The following KLHL1 variants were observed in gnomAD, a reference collection of about 807,000 sequenced individuals.
KLHL1 encodes the protein kelch like family member 1.
A neutral mutation model predicts 77.7 loss-of-function variants in KLHL1; 47 were observed. That is an observed-to-expected ratio of 0.60 (90% CI 0.48 to 0.77). The LOEUF (loss-of-function observed/expected upper bound fraction) is 0.77, where lower values mean the gene tolerates loss of function less well. Among genes scored for constraint, KLHL1 ranks in the 30% least tolerant of loss-of-function variants. The pLI is 0.00. For missense variants in KLHL1, 925 were observed against 910.8 expected (o/e 1.02, Z -0.20); for synonymous variants, 360 against 325.2 (o/e 1.11, Z -1.15).
chr13:69,934,003 G>C (rs1456549690), intron 4 of KLHL1, among the ~76,000 whole-genome samples: 3 of 151,960 alleles, frequency 2.0e-5, no homozygotes, highest in Admixed American at 6.6e-5. Flanking sequence ...ATAGTACTGG[G>C]TTTATTATCC....
At chr13:69,856,824 T>C (rs1228988863) in intron 5 of KLHL1, among the ~76,000 whole-genome samples, 1 of 152,056 alleles carries the variant, frequency 6.6e-6, no homozygotes, top group Non-Finnish European at 1.5e-5. Flanking sequence ...TCAAATTTGC[T>C]ACTTTCATTT....
At chr13:70,021,011 G>C (rs1310349083) in intron 1 of KLHL1, among the ~76,000 whole-genome samples, 1 of 151,912 alleles carries the variant, frequency 6.6e-6, no homozygotes, top group Non-Finnish European at 1.5e-5. Flanking sequence ...ACTATAATTG[G>C]TGAAACTATG....
chr13:70,005,824 G>A (rs1885392650), intron 1 of KLHL1, among the ~76,000 whole-genome samples: 1 of 151,790 alleles, frequency 6.6e-6, no homozygotes, highest in East Asian at 1.9e-4. Flanking sequence ...ATAAAGTATT[G>A]TCATATATTA....
At position 69,940,188 on chromosome 13, in the gene KLHL1, G is replaced by A. The variant is rs773757751; in HGVS notation, c.866C>T (p.Ala289Val). 10 of 1,612,442 alleles carry A rather than the reference G, an allele frequency of 6.2e-6. No individual in the cohort carries two copies. The South Asian group carries it at 8.8e-5, about 14-fold the overall frequency. Residue 289 changes from alanine (A) to valine (V), a missense_variant, in exon 4 of 11, where the codon GCG (alanine) becomes GTG (valine). Transcript: ENST00000377844. Reference sequence around the variant, plus strand: ...CACCTGTGGAAGCTGAAGAAGGCACGCTGCAGCAAGAAGGTTCTCAATGGT... The same window carrying A: ...CACCTGTGGAAGCTGAAGAAGGCACACTGCAGCAAGAAGGTTCTCAATGGT... Reference protein sequence around the residue: ...EDTIENLLAAACLLQLPQVVE... With the variant: ...EDTIENLLAAVCLLQLPQVVE...
At chr13:70,021,161 A>G (rs1157863389) in intron 1 of KLHL1, among the ~76,000 whole-genome samples, 1 of 152,078 alleles carries the variant, frequency 6.6e-6, no homozygotes, top group Non-Finnish European at 1.5e-5. Flanking sequence ...CACTGCCCTA[A>G]AAATCTTCTG....
chr13:70,026,679 G>C (rs1463442993), intron 1 of KLHL1, among the ~76,000 whole-genome samples: 1 of 150,962 alleles, frequency 6.6e-6, no homozygotes, highest in Non-Finnish European at 1.5e-5. Flanking sequence ...TTGAGAAAGA[G>C]TTGCTGTCAA....
intron 5 of KLHL1, among the ~76,000 whole-genome samples, chr13:69,862,145 T>C (rs1183411098): frequency 6.6e-6 from 1 of 151,996 alleles, no homozygotes. Flanking sequence ...CATGATAACA[T>C]AATAAAGATT....
At chr13:69,977,433 GA>G (rs1388960647) in intron 1 of KLHL1, among the ~76,000 whole-genome samples, 7 of 151,888 alleles carry the variant, frequency 4.6e-5, no homozygotes, top group Admixed American at 2.0e-4. Context: ...ATGACGGTAT[GA>G]AAAATAAATT....
intron 7 of KLHL1, among the ~76,000 whole-genome samples, chr13:69,793,046 T>C (rs773266983): frequency 5.9e-5 from 9 of 152,094 alleles, no homozygotes; most frequent in Non-Finnish European, 1.2e-4. Context: ...TATATCTGAA[T>C]TGAAACCAAA....
intron 7 of KLHL1, among the ~76,000 whole-genome samples, chr13:69,775,801 C>T (rs1350964425): frequency 6.6e-6 from 1 of 151,844 alleles, no homozygotes; most frequent in Non-Finnish European, 1.5e-5. Context: ...AGCAATTCTC[C>T]TTCCACGTCA....
intron 1 of KLHL1, among the ~76,000 whole-genome samples, chr13:70,022,515 A>T (rs1395592502): frequency 6.6e-6 from 1 of 151,936 alleles, no homozygotes; most frequent in East Asian, 1.9e-4. Context: ...TATATACTTA[A>T]TACAATATGG....
chr13:69,875,958 G>C (rs1566353688), intron 5 of KLHL1, among the ~76,000 whole-genome samples: 1 of 151,894 alleles, frequency 6.6e-6, no homozygotes, highest in Non-Finnish European at 1.5e-5. Flanking sequence ...AAATCAAAGG[G>C]GGAAAAATAC....
chr13:69,767,205 C>A (rs1265547787), intron 7 of KLHL1, among the ~76,000 whole-genome samples: 1 of 151,856 alleles, frequency 6.6e-6, no homozygotes, highest in East Asian at 1.9e-4. Context: ...TCAGGCCAAA[C>A]TAGAATTATT....
chr13:69,961,309 T>C lies in KLHL1; in HGVS notation c.816A>G (p.Thr272=). ...GATGTTATAATTATTTTGCCATACC[T>C]GTATATGCAAATTGGACAAGGTCCC... ...ALWDLVQFAY[T]GCLELKEDTI... is the part of the protein sequence containing the mutation. The change falls in exon 3 of 11, where the codon ACA becomes ACG. Residue 272 remains threonine, a splice_region_variant and synonymous_variant. Transcript: ENST00000377844. 3 of 1,610,086 alleles carry C rather than the reference T, an allele frequency of 1.9e-6. No individual in the cohort carries two copies. Among genetic ancestry groups the C allele is most frequent in the Non-Finnish European group, 1.7e-6 (2 of 1,177,428 alleles).
intron 4 of KLHL1, among the ~76,000 whole-genome samples, chr13:69,926,663 T>A (rs1381137517): frequency 6.6e-6 from 1 of 151,908 alleles, no homozygotes; most frequent in Non-Finnish European, 1.5e-5. Flanking sequence ...TGCCAAGAAT[T>A]CAGGCCGGGC....
chr13:69,978,880 G>A (rs751751408), intron 1 of KLHL1, among the ~76,000 whole-genome samples: 12 of 152,092 alleles, frequency 7.9e-5, no homozygotes, highest in Non-Finnish European at 1.6e-4. Context: ...TGTTGTCCAA[G>A]TTGTGGTGGG....
At chr13:69,781,025 C>A (rs1365977059) in intron 7 of KLHL1, among the ~76,000 whole-genome samples, 1 of 151,572 alleles carries the variant, frequency 6.6e-6, no homozygotes, top group African/African-American at 2.4e-5. Flanking sequence ...CATAATATAT[C>A]AGACCAGAAG....
intron 1 of KLHL1, among the ~76,000 whole-genome samples, chr13:70,038,581 A>ATTTTTTTTTTTTTTTTTTTTTTT (rs55885952): frequency 1.4e-5 from 1 of 73,030 alleles, no homozygotes; most frequent in Non-Finnish European, 2.4e-5. Context: ...ATTGTCATTA[A>ATTTTTTTTTTTTTTTTTTTTTTT]TTTTTTTTTT....
intron 3 of KLHL1, among the ~76,000 whole-genome samples, chr13:69,958,465 TC>T (rs913464412): frequency 6.7e-6 from 1 of 149,000 alleles, no homozygotes; most frequent in African/African-American, 2.5e-5. Context: ...TAAACTATAA[TC>T]ATTGAAGCTT....
Sources: allele counts gnomAD v4.1 joint callset (sites outside exome capture counted in the v4.1 genomes callset), GRCh38; gene constraint gnomAD v4.1.1; transcripts MANE v1.5; gene names NCBI Gene and HGNC (gene_info 2026-07-23, HGNC 2026-07-21).